Variants in NADK observed in about 807,000 individuals in gnomAD.
The protein encoded by NADK is poly(P)/ATP NAD kinase.
In NADK, 22 loss-of-function variants were observed where a neutral mutation model predicts 49.8. The observed-to-expected ratio is 0.44, with a 90% CI of 0.32 to 0.63. The LOEUF (loss-of-function observed/expected upper bound fraction) is 0.63, where lower values mean the gene tolerates loss of function less well. Ranked by LOEUF, NADK falls within the 30% of genes least tolerant of loss-of-function variation. NADK has a pLI of 0.06. For missense variants in NADK, 438 were observed against 609.4 expected (o/e 0.72, Z 2.96); for synonymous variants, 268 against 253.7 (o/e 1.06, Z -0.54).
rs1274276392 is a variant in NADK, at chr1:1,759,632, G to A, written c.263+2320C>T. ...TGCCCCTCCACAGCGGGGATGGGAAGCGGGAGGTTATGATCCCAGAGACAC... is the reference window on the plus strand; with the variant it reads ...TGCCCCTCCACAGCGGGGATGGGAAACGGGAGGTTATGATCCCAGAGACAC... On this transcript the variant is annotated intron_variant, in intron 3 of 11. Coordinates refer to ENST00000341426, the MANE Select transcript of NADK (RefSeq NM_023018.5). 35 of 1,298,078 alleles carry A rather than the reference G, an allele frequency of 2.7e-5. No individual in the cohort carries two copies. In the Middle Eastern group the frequency reaches 1.6e-3, roughly 60 times the overall value. 80.4% of individuals were successfully genotyped at this position (1,298,078 alleles called of 1,614,324 possible).
At chr1:1,757,048 TC>T (rs1645549246) in intron 4 of NADK, 132 bp downstream of exon 4, 1 of 1,347,848 alleles carries the variant, frequency 7.4e-7, no homozygotes, top group Non-Finnish European at 1.0e-6. Context: ...CCCCACTCAG[TC>T]CCCAGTTCCA....
At chr1:1,772,909 C>T (rs57409670) in intron 1 of NADK, among the ~76,000 whole-genome samples, 1 of 151,646 alleles carries the variant, frequency 6.6e-6, no homozygotes, top group East Asian at 2.0e-4. Context: ...GGCGTGGTGG[C>T]GCATGCCTGT....
chr1:1,772,426 T>A (rs12038134), intron 1 of NADK, among the ~76,000 whole-genome samples: 60,291 of 151,890 alleles, frequency 0.4, 14,425 homozygotes, highest in Admixed American at 0.55. Context: ...AGCATCATAA[T>A]GTGCTTGGAT....
intron 1 of NADK, among the ~76,000 whole-genome samples, chr1:1,766,997 G>A (rs1465742320): frequency 6.6e-6 from 1 of 151,668 alleles, no homozygotes; most frequent in Non-Finnish European, 1.5e-5. Flanking sequence ...TCACTGCAAC[G>A]TCTGCTTCCC....
chr1:1,759,872 C>T (rs1198500349), intron 3 of NADK: 1 of 1,550,730 alleles, frequency 6.4e-7, no homozygotes. Context: ...GTGAAGGCAG[C>T]AGCTGAGATG....
intron 1 of NADK, among the ~76,000 whole-genome samples, chr1:1,768,374 CA>C (rs1246892821): frequency 6.6e-6 from 1 of 151,912 alleles, no homozygotes; most frequent in Non-Finnish European, 1.5e-5. Flanking sequence ...TCTGTCTCTA[CA>C]AAACAAAAAC....
rs762888109 is a variant in NADK at position 1,756,395 on chromosome 1, T to C, written c.500-52A>G. On this transcript the variant is annotated intron_variant, in intron 5 of 11. Coordinates refer to ENST00000341426, the MANE Select transcript of NADK (RefSeq NM_023018.5). ...AGAGGCTGTCACACAGTGGCCCCTC[T>C]GTGGCGCAGTGCGCAGACACCAATG... 2.5e-6 allele frequency: 4 copies of C among 1,607,508 alleles called. No individual in the cohort carries two copies. In the Admixed American group the frequency reaches 5.0e-5, roughly 20 times the overall value.
At position 1,752,908 on chromosome 1, in the gene NADK, C is replaced by T; in HGVS notation, c.1337G>A (p.Gly446Asp). ...GGGCCTGGATAGGGGCTTGACCTAG[C>T]CCTCCTCCTCCTCCTCCTCCTCCTC... ...FEEEEEEEEEG is the reference protein window; with the variant it reads ...FEEEEEEEEED Residue 446 changes from glycine to aspartate, a missense_variant, in exon 12 of 12, where the codon GGC (glycine) becomes GAC (aspartate). Physicochemically the swap from Gly to Asp is moderately conservative, Grantham distance 94. Coordinates refer to ENST00000341426, the MANE Select transcript of NADK (RefSeq NM_023018.5). 3.9e-6 allele frequency: 6 copies of T among 1,525,956 alleles called. No homozygotes were observed. Among genetic ancestry groups the T allele is most frequent in the Non-Finnish European group, 3.6e-6 (4 of 1,119,394 alleles). The allele number at this position is 1,525,956 out of a possible 1,614,324, so 94.5% of individuals were successfully genotyped here.
At position 1,757,003 on chromosome 1, in the gene NADK, A is replaced by G. The variant is rs550978411; in HGVS notation, c.393+178T>C. ...TTGGTCACCCAGTCTGGTGCTTGCCATGGCGGCACACACAAACCCAGACAC... is the reference window on the plus strand; with the variant it reads ...TTGGTCACCCAGTCTGGTGCTTGCCGTGGCGGCACACACAAACCCAGACAC... On this transcript the variant is annotated intron_variant, in intron 4 of 11. Transcript: ENST00000341426. The G allele has an allele frequency of 1.3e-4, 140 of 1,041,008 alleles. 2 individuals carry two copies. The African/African-American group carries it at 1.8e-3, about 13-fold the overall frequency. The allele number at this position is 1,041,008 out of a possible 1,614,324, so 64.5% of individuals were successfully genotyped here.
In NADK at chr1:1,754,727, G is replaced by T; in HGVS notation, c.689-29C>A. The T allele has an allele frequency of 6.3e-7, 1 of 1,589,324 alleles. No homozygotes were observed. Among genetic ancestry groups the T allele is most frequent in the Admixed American group, 1.8e-5 (1 of 56,890 alleles). ...AGGTCCAGCAGGAGTCAGAGGGCATGCATCAGGGAAGTCAGTGGGGTCAGG... is the reference window on the plus strand; with the variant it reads ...AGGTCCAGCAGGAGTCAGAGGGCATTCATCAGGGAAGTCAGTGGGGTCAGG... On this transcript the variant is annotated intron_variant, in intron 7 of 11. Coordinates refer to ENST00000341426, the MANE Select transcript of NADK (RefSeq NM_023018.5). The surrounding 1 kb of genome is among the most constrained non-coding windows in gnomAD (Gnocchi z 4.3).
chr1:1,768,961 T>A lies in NADK; in HGVS notation c.-40-3515A>T, dbSNP rs530027296. On this transcript the variant is annotated intron_variant, in intron 1 of 11. Coordinates refer to ENST00000341426, the MANE Select transcript of NADK (RefSeq NM_023018.5). ...CTCTGGCTGCATTCTACAATCACCT[T>A]AGGAGCTTCAAACAACACCAATTCC... Among the ~76,000 whole-genome samples, 55 of 152,314 alleles carry A rather than the reference T, an allele frequency of 3.6e-4. 1 individual carries two copies. The highest frequency in any genetic ancestry group is 1.3e-3 in the African/African-American group (52 of 41,570).
At chr1:1,771,412 A>G (rs1646049005) in intron 1 of NADK, among the ~76,000 whole-genome samples, 1 of 152,206 alleles carries the variant, frequency 6.6e-6, no homozygotes, top group African/African-American at 2.4e-5. Flanking sequence ...TCACATGAAA[A>G]TGTAAAGTAT....
rs1645859167 is a variant in NADK at position 1,765,514 on chromosome 1, C to T, written c.-40-68G>A. The T allele has an allele frequency of 7.6e-6, 6 of 793,008 alleles. No individual in the cohort carries two copies. In the South Asian group the frequency reaches 1.5e-4, roughly 20 times the overall value. The allele number at this position is 793,008 out of a possible 1,614,324, so 49.1% of individuals were successfully genotyped here. ...ATGTATGAAACAATAATAATTTACACATACATATGTTCCATTTCATCAAGG... is the reference window on the plus strand; with the variant it reads ...ATGTATGAAACAATAATAATTTACATATACATATGTTCCATTTCATCAAGG... On this transcript the variant is annotated intron_variant, in intron 1 of 11. Transcript: ENST00000341426.
Position 1,755,373 on chromosome 1 carries a change from C to T in NADK, c.688+1G>A, listed in dbSNP as rs1383270349. 1.2e-6 allele frequency: 2 copies of T among 1,609,692 alleles called. No individual in the cohort carries two copies. Among genetic ancestry groups the T allele is most frequent in the Admixed American group, 1.7e-5 (1 of 60,004 alleles). ...GTGGGCTCCAGAACATTCCAACTCA[C>T]CCTCTATCACCTGAGTAACTTGGGA... is the stretch of plus-strand genomic sequence containing the variant. On this transcript the variant is annotated splice_donor_variant, in intron 7 of 11. Transcript: ENST00000341426. LOFTEE classifies it high-confidence loss of function.
At position 1,754,427 on chromosome 1, in the gene NADK, C is replaced by A; in HGVS notation, c.844-44G>T. On this transcript the variant is annotated intron_variant, in intron 8 of 11. Coordinates refer to ENST00000341426, the MANE Select transcript of NADK (RefSeq NM_023018.5). The surrounding 1 kb of genome is among the most constrained non-coding windows in gnomAD (Gnocchi z 4.3). ...TGCACACTCAGGGCGGGGGATGCCG[C>A]ACGGCTCGCAGACACCCTCCGTCTC... The A allele has an allele frequency of 6.2e-7, 1 of 1,610,248 alleles. No individual in the cohort carries two copies. Among genetic ancestry groups the A allele is most frequent in the Non-Finnish European group, 8.5e-7 (1 of 1,177,274 alleles).
chr1:1,773,086 G>C (rs1404269670), intron 1 of NADK, among the ~76,000 whole-genome samples: 1 of 151,010 alleles, frequency 6.6e-6, no homozygotes, highest in Non-Finnish European at 1.5e-5. Context: ...AGCTGGTGAA[G>C]GGCACAGGGG....
chr1:1,777,840 G>A (rs1036423996), intron 1 of NADK, among the ~76,000 whole-genome samples: 3 of 152,212 alleles, frequency 2.0e-5, no homozygotes, highest in African/African-American at 7.2e-5. Flanking sequence ...TGTGTTTTTA[G>A]AGAATTCCAT....
Position 1,757,329 on chromosome 1 carries a change from G to C in NADK, c.264-19C>G, listed in dbSNP as rs1645563153. ...AATGTGCCTTTAGGGGAGGAGAAAA[G>C]AGTTCACACCAGCTGCGATCTCCCT... On this transcript the variant is annotated intron_variant, in intron 3 of 11. Coordinates refer to ENST00000341426, the MANE Select transcript of NADK (RefSeq NM_023018.5). 2 of 1,601,282 alleles carry C rather than the reference G, an allele frequency of 1.2e-6. No individual in the cohort carries two copies. The highest frequency in any genetic ancestry group is 2.7e-5 in the African/African-American group (2 of 74,686).
In NADK at chr1:1,756,681, G is replaced by C. The variant is rs567926162; in HGVS notation, c.394-73C>G. 2.7e-5 allele frequency: 44 copies of C among 1,604,684 alleles called. 1 individual carries two copies. Among genetic ancestry groups the C allele is most frequent in the Non-Finnish European group, 2.9e-5 (34 of 1,177,184 alleles). On this transcript the variant is annotated intron_variant, in intron 4 of 11. Transcript: ENST00000341426. Reference sequence around the variant, plus strand: ...TCCTGCAGGGAGGTTCCCGACTCACGGGCGCTGTGGTCAGAGACCTGGCAT... The same window carrying C: ...TCCTGCAGGGAGGTTCCCGACTCACCGGCGCTGTGGTCAGAGACCTGGCAT...
Sources: gnomAD v4.1 joint callset for allele counts (sites outside exome capture counted in the v4.1 genomes callset) on GRCh38, gnomAD v4.1.1 for gene constraint, Gnocchi (gnomAD v3.1) non-coding constraint, MANE v1.5 for transcripts, NCBI Gene and HGNC (gene_info 2026-07-23, HGNC 2026-07-21) for gene names.